Variants in ADAM22 observed in about 807,000 individuals in gnomAD.
ADAM22 encodes the protein disintegrin and metalloproteinase domain-containing protein 22.
ADAM22 carries 65 observed loss-of-function variants against 144.6 expected under a neutral mutation model. That is an observed-to-expected ratio of 0.45 (90% confidence interval 0.37 to 0.55). The LOEUF is 0.55. Ranked by LOEUF, ADAM22 falls within the 20% of genes least tolerant of loss-of-function variation. ADAM22 has a pLI of 0.00. For missense variants in ADAM22, 974 were observed against 1,184.9 expected (o/e 0.82, Z 2.61); for synonymous variants, 391 against 412.6 (o/e 0.95, Z 0.63).
chr7:88,013,611 T>C lies in ADAM22; in HGVS notation c.323+35199T>C, dbSNP rs1041158086. ...GGCTAAATTTTTTATTTTTATTTTA[T>C]GTAGTCAGGGTCTTGCTCTGTTGCT... is the stretch of plus-strand genomic sequence containing the variant. On this transcript the variant is annotated intron_variant, in intron 3 of 31. Transcript: ENST00000413139. 2.0e-5 allele frequency among the ~76,000 whole-genome samples: 3 copies of C among 152,114 alleles called. No homozygotes were observed. In the East Asian group the frequency reaches 5.8e-4, roughly 29 times the overall value.
intron 2 of ADAM22, among the ~76,000 whole-genome samples, chr7:87,977,878 GT>G (rs1411384140): frequency 6.6e-6 from 1 of 152,126 alleles, no homozygotes; most frequent in Non-Finnish European, 1.5e-5. Flanking sequence ...TATTTTTAAA[GT>G]ATATCTTTGT....
chr7:88,109,311 T>C (rs188460648), intron 5 of ADAM22, among the ~76,000 whole-genome samples: 4 of 152,320 alleles, frequency 2.6e-5, no homozygotes. Flanking sequence ...ATGTTTAACA[T>C]GGGAATACAT....
chr7:88,179,089 C>T lies in ADAM22; in HGVS notation c.2455C>T (p.His819Tyr), dbSNP rs956572414. Residue 819 changes from histidine to tyrosine, a missense_variant, in exon 27 of 32, where the codon CAT becomes TAT. Transcript: ENST00000413139. ...TCAGATTTCTACCTGTTCCATCACA[C>T]ATTATTCCATTAGTCAGAACATTTC... ...HFQISTCSIT[H>Y]YSISQNISLF... is the part of the protein sequence containing the mutation. 7.2e-7 allele frequency: 1 copy of T among 1,379,328 alleles called. No homozygotes were observed. Among genetic ancestry groups the T allele is most frequent in the South Asian group, 1.2e-5 (1 of 85,628 alleles). The allele number at this position is 1,379,328 out of a possible 1,614,324, so 85.4% of individuals were successfully genotyped here. A position where few individuals can be genotyped will look rare whatever the true frequency, so the allele number is the denominator to read the frequency against.
chr7:88,168,137 G>A lies in ADAM22; in HGVS notation c.2192G>A (p.Gly731Asp). The A allele has an allele frequency of 2.5e-6, 4 of 1,611,638 alleles. No individual in the cohort carries two copies. The highest frequency in any genetic ancestry group is 1.1e-5 in the South Asian group (1 of 90,638). Reference protein sequence around the residue: ...AKTGITLSGNGVAGTNIIIGI... With the variant: ...AKTGITLSGNDVAGTNIIIGI... ...CCTTCTTTCTTTTTTTTCCTCTCAG[G>A]TGTTGCTGGCACCAATATCATAATA... is the stretch of plus-strand genomic sequence containing the variant. Residue 731 changes from glycine (G) to aspartate (D), a missense_variant and splice_region_variant, in exon 25 of 32, where the codon GGT becomes GAT. Gly to Asp is a moderately conservative substitution (Grantham distance 94, BLOSUM62 -1). Around this residue, in one of 2 missense-constraint regions of ADAM22, gnomAD observed 734 missense variants for 950.6 expected, o/e 0.77. Transcript: ENST00000413139.
chr7:88,155,568 T>C (rs1181643911), intron 21 of ADAM22, among the ~76,000 whole-genome samples: 1 of 150,758 alleles, frequency 6.6e-6, no homozygotes. Context: ...TAGATTAGTA[T>C]ATCCAGTATT....
At chr7:88,113,648 G>A (rs932172415) in intron 5 of ADAM22, among the ~76,000 whole-genome samples, 6 of 124,322 alleles carry the variant, frequency 4.8e-5, no homozygotes, top group Non-Finnish European at 9.6e-5. Context: ...TCATATGTAT[G>A]TGTATGTGTG....
At chr7:87,953,270 T>C (rs1430924964) in intron 2 of ADAM22, among the ~76,000 whole-genome samples, 1 of 152,204 alleles carries the variant, frequency 6.6e-6, no homozygotes, top group African/African-American at 2.4e-5. Flanking sequence ...CTTTCTCTTG[T>C]GGGCATTTAG....
intron 24 of ADAM22, among the ~76,000 whole-genome samples, chr7:88,166,367 A>T (rs1228802824): frequency 6.6e-6 from 1 of 152,164 alleles, no homozygotes; most frequent in African/African-American, 2.4e-5. Flanking sequence ...ATTGTTGTTC[A>T]ACCCCAGTTC....
At chr7:88,017,897 T>A (rs573485980) in intron 3 of ADAM22, among the ~76,000 whole-genome samples, 1 of 152,016 alleles carries the variant, frequency 6.6e-6, no homozygotes, top group East Asian at 1.9e-4. Flanking sequence ...TAAAAAAAAA[T>A]TTGTTTTACA....
At position 87,947,381 on chromosome 7, in the gene ADAM22, A is replaced by G. The variant is rs953327873; in HGVS notation, c.246+12195A>G. 3.3e-5 allele frequency among the ~76,000 whole-genome samples: 5 copies of G among 152,156 alleles called. No homozygotes were observed. The East Asian group carries it at 9.6e-4, about 29-fold the overall frequency. ...CTTGGACAGATATTGAGTGATAAGA[A>G]GATAGGGGAAATTCAAGAAGTGTTC... On this transcript the variant is annotated intron_variant, in intron 2 of 31. Transcript: ENST00000413139.
At chr7:88,084,021 A>G (rs1365576035) in intron 4 of ADAM22, among the ~76,000 whole-genome samples, 1 of 152,160 alleles carries the variant, frequency 6.6e-6, no homozygotes, top group African/African-American at 2.4e-5. Context: ...GATGTAGAGT[A>G]TCTCTTATTC....
chr7:87,997,451 C>A (rs958781972), intron 3 of ADAM22, among the ~76,000 whole-genome samples: 4 of 152,252 alleles, frequency 2.6e-5, no homozygotes, highest in African/African-American at 9.6e-5. Flanking sequence ...CAGGTGGATT[C>A]TCTGCATAGA....
chr7:88,140,147 C>T (rs2129517506), intron 14 of ADAM22, among the ~76,000 whole-genome samples: 1 of 152,186 alleles, frequency 6.6e-6, no homozygotes. Context: ...AACTTATTAC[C>T]AGCCATTTCC....
chr7:88,112,269 A>G (rs1469768422), intron 5 of ADAM22, among the ~76,000 whole-genome samples: 1 of 152,236 alleles, frequency 6.6e-6, no homozygotes, highest in Non-Finnish European at 1.5e-5. Flanking sequence ...CAGCTGTGAG[A>G]ATAATCATTC....
chr7:88,092,321 G>GCC (rs1820102894), intron 4 of ADAM22, among the ~76,000 whole-genome samples: 1 of 152,032 alleles, frequency 6.6e-6, no homozygotes, highest in South Asian at 2.1e-4. Flanking sequence ...AACATACACA[G>GCC]CCCGCAAGCA....
chr7:88,099,524 C>G (rs919715689), intron 4 of ADAM22, among the ~76,000 whole-genome samples: 3 of 152,160 alleles, frequency 2.0e-5, no homozygotes, highest in Non-Finnish European at 4.4e-5. Flanking sequence ...TCTCCATCTT[C>G]CAAAGCTGTT....
intron 5 of ADAM22, among the ~76,000 whole-genome samples, chr7:88,109,469 G>A (rs1388271923): frequency 6.6e-6 from 1 of 151,842 alleles, no homozygotes; most frequent in African/African-American, 2.4e-5. Context: ...TTACTTTTTG[G>A]CACAGAACAA....
intron 21 of ADAM22, 84 bp downstream of exon 21, chr7:88,153,410 C>A: frequency 9.1e-7 from 1 of 1,096,002 alleles, no homozygotes; most frequent in South Asian, 1.5e-5. Context: ...TTTCTGCTTT[C>A]TGCATCACAC....
At chr7:88,100,111 C>A (rs1053888416) in intron 4 of ADAM22, among the ~76,000 whole-genome samples, 1 of 151,938 alleles carries the variant, frequency 6.6e-6, no homozygotes, top group Admixed American at 6.6e-5. Context: ...AATGGGAAAA[C>A]CTGGGTGATA....
Sources: gnomAD v4.1 joint callset for allele counts (sites outside exome capture counted in the v4.1 genomes callset) on GRCh38, gnomAD v4.1.1 for gene constraint, gnomAD v4.1.1 regional missense constraint, MANE v1.5 for transcripts, NCBI Gene and HGNC (gene_info 2026-07-23, HGNC 2026-07-21) for gene names.